CADPS: variants seen among roughly 807,000 people sequenced by gnomAD.
The protein encoded by CADPS is calcium dependent secretion activator, also known as calcium-dependent secretion activator 1.
In CADPS, 57 loss-of-function variants were observed where a neutral mutation model predicts 167.3. The observed-to-expected ratio is 0.34, with a 90% CI of 0.28 to 0.42. CADPS has a LOEUF of 0.42. Ranked by LOEUF, CADPS falls within the 20% of genes least tolerant of loss-of-function variation. CADPS has a pLI of 1.00. For synonymous variants in CADPS, 676 were observed against 635.3 expected (o/e 1.06, Z -0.96); for missense variants, 1,414 against 1,738.1 (o/e 0.81, Z 3.32).
At chr3:62,546,463 G>A (rs2076465758) in intron 11 of CADPS, among the ~76,000 whole-genome samples, 1 of 152,120 alleles carries the variant, frequency 6.6e-6, no homozygotes, top group South Asian at 2.1e-4. Context: ...TTACCCATGT[G>A]TAAGGCTTGA....
chr3:62,671,639 C>A (rs1416017890), intron 3 of CADPS, among the ~76,000 whole-genome samples: 2 of 152,172 alleles, frequency 1.3e-5, no homozygotes, highest in Non-Finnish European at 2.9e-5. Context: ...TGATACAAAG[C>A]AGTTCTCCCT....
chr3:62,842,890 A>G (rs933986724), intron 1 of CADPS, among the ~76,000 whole-genome samples: 2 of 152,218 alleles, frequency 1.3e-5, no homozygotes, highest in African/African-American at 2.4e-5. Context: ...ACATATCTGT[A>G]CTGCGTAACC....
chr3:62,704,778 A>G (rs2082030740), intron 3 of CADPS, among the ~76,000 whole-genome samples: 1 of 152,196 alleles, frequency 6.6e-6, no homozygotes, highest in South Asian at 2.1e-4. Context: ...ATCCAGTATC[A>G]AACAGCACCT....
chr3:62,510,701 T>A (rs2067617229), intron 17 of CADPS, among the ~76,000 whole-genome samples: 1 of 152,022 alleles, frequency 6.6e-6, no homozygotes, highest in East Asian at 1.9e-4. Flanking sequence ...CATATTTCAG[T>A]CCCCAGTATT....
At chr3:62,686,566 T>A (rs1325427153) in intron 3 of CADPS, among the ~76,000 whole-genome samples, 1 of 152,178 alleles carries the variant, frequency 6.6e-6, no homozygotes. Flanking sequence ...GATAAAAATA[T>A]TGTCAATCTG....
intron 6 of CADPS, among the ~76,000 whole-genome samples, chr3:62,609,629 T>C (rs920461373): frequency 3.3e-5 from 5 of 152,244 alleles, no homozygotes; most frequent in African/African-American, 7.2e-5. Context: ...ATCTGTACAA[T>C]AGGAATAAGC....
At chr3:62,723,026 A>T (rs17067030) in intron 3 of CADPS, among the ~76,000 whole-genome samples, 22,979 of 152,178 alleles carry the variant, frequency 0.15, 2,147 homozygotes, top group African/African-American at 0.27. Context: ...AATTTTATTC[A>T]TTAGTTGAGG....
At chr3:62,442,874 G>A (rs1241349845) in intron 27 of CADPS, among the ~76,000 whole-genome samples, 4 of 152,008 alleles carry the variant, frequency 2.6e-5, no homozygotes, top group Non-Finnish European at 5.9e-5. Flanking sequence ...GATTTCAGAA[G>A]CAAATGATTA....
chr3:62,747,322 G>A (rs2152361441), intron 3 of CADPS, among the ~76,000 whole-genome samples: 1 of 152,288 alleles, frequency 6.6e-6, no homozygotes, highest in African/African-American at 2.4e-5. Flanking sequence ...ATAGAGTCTG[G>A]CCCCCAAAGC....
intron 24 of CADPS, among the ~76,000 whole-genome samples, chr3:62,468,137 T>C (rs2060157352): frequency 6.6e-6 from 1 of 152,166 alleles, no homozygotes; most frequent in African/African-American, 2.4e-5. Flanking sequence ...AAAAAATTTA[T>C]CTGCAGAATT....
intron 17 of CADPS, 69 bp from the exon 18 acceptor site, chr3:62,499,337 G>A: frequency 2.2e-6 from 2 of 904,240 alleles, no homozygotes; most frequent in East Asian, 2.4e-5. Context: ...ATTAGAACTA[G>A]TGGATAAGAA....
intron 21 of CADPS, among the ~76,000 whole-genome samples, chr3:62,490,187 A>G (rs2063471011): frequency 6.6e-6 from 1 of 152,206 alleles, no homozygotes; most frequent in Non-Finnish European, 1.5e-5. Flanking sequence ...GAAAGGCCTC[A>G]TGAATATTTG....
chr3:62,634,607 C>A (rs945029084), intron 6 of CADPS, among the ~76,000 whole-genome samples: 2 of 152,288 alleles, frequency 1.3e-5, no homozygotes, highest in Admixed American at 6.5e-5. Context: ...GATCACTGAG[C>A]ATGCGCAAGT....
At chr3:62,682,623 A>G (rs1252169278) in intron 3 of CADPS, among the ~76,000 whole-genome samples, 1 of 152,060 alleles carries the variant, frequency 6.6e-6, no homozygotes, top group Admixed American at 6.6e-5. Context: ...TCCTTATTTA[A>G]GAGATCTGGA....
At chr3:62,866,021 C>A (rs976968696) in intron 1 of CADPS, among the ~76,000 whole-genome samples, 2 of 151,952 alleles carry the variant, frequency 1.3e-5, no homozygotes, top group Admixed American at 6.6e-5. Context: ...AAATGCACAC[C>A]CAATATGAAA....
At chr3:62,575,864 C>G (rs2082165117) in intron 8 of CADPS, among the ~76,000 whole-genome samples, 1 of 152,178 alleles carries the variant, frequency 6.6e-6, no homozygotes, top group Admixed American at 6.5e-5. Flanking sequence ...TTTGGAAAGT[C>G]TGCTTGAGGG....
intron 28 of CADPS, among the ~76,000 whole-genome samples, chr3:62,431,795 G>T: frequency 6.6e-6 from 1 of 151,106 alleles, no homozygotes; most frequent in East Asian, 2.0e-4. Flanking sequence ...TACTGGCATG[G>T]GAAATAGTGA....
At chr3:62,665,765 C>T (rs1160164495) in intron 3 of CADPS, among the ~76,000 whole-genome samples, 1 of 152,128 alleles carries the variant, frequency 6.6e-6, no homozygotes, top group Non-Finnish European at 1.5e-5. Flanking sequence ...CCTGGTTGTG[C>T]CACTTAGTAG....
intron 6 of CADPS, among the ~76,000 whole-genome samples, chr3:62,644,494 T>C (rs1485236608): frequency 6.6e-6 from 1 of 151,932 alleles, no homozygotes. Flanking sequence ...GCCCACCCAC[T>C]CCCCATCCAC....
Sources: gnomAD v4.1 joint callset for allele counts (sites outside exome capture counted in the v4.1 genomes callset) on GRCh38, gnomAD v4.1.1 for gene constraint, MANE v1.5 for transcripts, NCBI Gene and HGNC (gene_info 2026-07-23, HGNC 2026-07-21) for gene names.